The following MYPN variants were observed in gnomAD, a reference collection of about 807,000 sequenced individuals.
MYPN encodes the protein myopalladin, also known as sarcomeric protein myopalladin, 145 kDa (MYOP).
In MYPN, 63 loss-of-function variants were observed where a neutral mutation model predicts 129.4. That is an observed-to-expected ratio of 0.49 (90% confidence interval 0.40 to 0.60). The LOEUF is 0.60. Among genes scored for constraint, MYPN ranks in the 20% least tolerant of loss-of-function variants. The pLI, the probability that MYPN is intolerant of heterozygous loss-of-function variation, is 0.00. For missense variants in MYPN, 1,596 were observed against 1,635.4 expected, an observed-to-expected ratio of 0.98 and a Z score of 0.42; for synonymous variants, 629 against 600.9, an observed-to-expected ratio of 1.05 and a Z score of -0.68.
At chr10:68,172,797 GCACGGTGGCTCGCGCCTGTAATCC>G (rs2043162668) in intron 10 of MYPN, among the ~76,000 whole-genome samples, 3 of 152,180 alleles carry the variant, frequency 2.0e-5, no homozygotes, top group Non-Finnish European at 4.4e-5. Context: ...TCAGGGCCGG[GCACGGTGGCTCGCGCCTGTAATCC>G]CACCAGTTTG....
At chr10:68,115,728 A>G (rs2042147646) in intron 1 of MYPN, among the ~76,000 whole-genome samples, 1 of 152,212 alleles carries the variant, frequency 6.6e-6, no homozygotes, top group Admixed American at 6.5e-5. Context: ...TAAAATTTGA[A>G]GTCCTTTCCA....
chr10:68,140,700 T>G (rs905979953), intron 2 of MYPN, among the ~76,000 whole-genome samples: 2 of 152,138 alleles, frequency 1.3e-5, no homozygotes, highest in South Asian at 2.1e-4. Context: ...GAGGTGACCA[T>G]GACATATTTA....
intron 13 of MYPN, among the ~76,000 whole-genome samples, chr10:68,193,086 T>G (rs1165714990): frequency 1.3e-5 from 2 of 152,158 alleles, no homozygotes; most frequent in Non-Finnish European, 2.9e-5. Flanking sequence ...GTTCTTGCTT[T>G]GTTCTTTGAG....
chr10:68,157,152 G>T (rs10997959), intron 6 of MYPN, among the ~76,000 whole-genome samples: 4 of 151,844 alleles, frequency 2.6e-5, no homozygotes, highest in East Asian at 1.9e-4. Flanking sequence ...TTTCATTGTG[G>T]GAGTGTGGAA....
chr10:68,204,274 T>C (rs570810912), intron 18 of MYPN, among the ~76,000 whole-genome samples: 12 of 152,352 alleles, frequency 7.9e-5, no homozygotes, highest in Non-Finnish European at 1.8e-4. Flanking sequence ...TAGCATATTA[T>C]GTAAGATGAA....
At chr10:68,132,673 G>A (rs2042428448) in intron 2 of MYPN, among the ~76,000 whole-genome samples, 2 of 152,124 alleles carry the variant, frequency 1.3e-5, no homozygotes, top group African/African-American at 4.8e-5. Context: ...ATCCCCTAAA[G>A]GAAATTGGCA....
intron 12 of MYPN, among the ~76,000 whole-genome samples, chr10:68,180,164 G>A (rs1378687479): frequency 6.6e-6 from 1 of 152,044 alleles, no homozygotes; most frequent in Non-Finnish European, 1.5e-5. Context: ...AGTGATGTTA[G>A]ATAAATGGCA....
At chr10:68,088,476 G>A (rs2041916628) in intron 1 of MYPN, among the ~76,000 whole-genome samples, 1 of 152,138 alleles carries the variant, frequency 6.6e-6, no homozygotes, top group African/African-American at 2.4e-5. Flanking sequence ...CTGTATTATT[G>A]TTTCATAAAG....
intron 12 of MYPN, among the ~76,000 whole-genome samples, chr10:68,176,870 T>C (rs187818989): frequency 1.4e-3 from 220 of 152,332 alleles, no homozygotes; most frequent in African/African-American, 5.0e-3. Context: ...GTTTTCAGTT[T>C]TACAGAACAG....
intron 2 of MYPN, chr10:68,136,369 G>A: frequency 1.2e-6 from 1 of 856,394 alleles, no homozygotes; most frequent in Non-Finnish European, 1.5e-6. Flanking sequence ...CATTCTGTAA[G>A]TGTCATGAGG....
At chr10:68,201,290 T>C (rs569710858) in intron 17 of MYPN, among the ~76,000 whole-genome samples, 4 of 152,326 alleles carry the variant, frequency 2.6e-5, no homozygotes, top group African/African-American at 9.6e-5. Flanking sequence ...CAGAGATGGT[T>C]GCCCCATTTC....
intron 1 of MYPN, 126 bp downstream of exon 1, chr10:68,109,849 T>C (rs1250982209): frequency 2.8e-6 from 1 of 356,000 alleles, no homozygotes; most frequent in African/African-American, 2.1e-5. Flanking sequence ...TCTAATTACA[T>C]ATGACGGGAC....
intron 18 of MYPN, among the ~76,000 whole-genome samples, 178 bp from the exon 19 acceptor site, chr10:68,206,592 T>G (rs1224024594): frequency 6.6e-6 from 1 of 152,166 alleles, no homozygotes; most frequent in East Asian, 1.9e-4. Flanking sequence ...CAGCCCCAGC[T>G]GCCCCCTCCT....
intron 2 of MYPN, among the ~76,000 whole-genome samples, chr10:68,140,617 T>C (rs1242611453): frequency 5.3e-5 from 8 of 152,226 alleles, no homozygotes; most frequent in African/African-American, 1.9e-4. Context: ...GGATGACTTA[T>C]ATTTGTAGTA....
chr10:68,090,467 A>C (rs2041925931), intron 1 of MYPN, among the ~76,000 whole-genome samples: 1 of 152,142 alleles, frequency 6.6e-6, no homozygotes, highest in African/African-American at 2.4e-5. Context: ...GCCAGGCCTC[A>C]ATGAGCACTT....
intron 1 of MYPN, among the ~76,000 whole-genome samples, chr10:68,117,754 G>A (rs1375767912): frequency 6.6e-6 from 1 of 151,736 alleles, no homozygotes; most frequent in African/African-American, 2.4e-5. Context: ...ATAAAATGGA[G>A]GCCATGATAC....
At position 68,165,828 on chromosome 10, in the gene MYPN, CTT is replaced by C; in HGVS notation, c.1600+12_1600+13del. 4 of 1,600,336 alleles carry C rather than the reference CTT, an allele frequency of 2.5e-6. No homozygotes were observed. In the East Asian group the frequency reaches 6.7e-5, roughly 27 times the overall value. ...CAGCTGCACGTGAGAGGTAAGGACTCTTTAATGCTAGAACAGTTTAGCCTATG... is the reference window on the plus strand; with the variant it reads ...CAGCTGCACGTGAGAGGTAAGGACTCTAATGCTAGAACAGTTTAGCCTATG... On this transcript the variant is annotated intron_variant, in intron 9 of 19. Coordinates refer to ENST00000358913, the MANE Select transcript of MYPN (RefSeq NM_032578.4).
chr10:68,106,600 A>G (rs752772974), upstream of MYPN: 4 of 699,306 alleles, frequency 5.7e-6, no homozygotes, highest in South Asian at 3.0e-5. Context: ...ATGAACTTCA[A>G]GCAAAACTTA....
chr10:68,116,262 A>G (rs1208843721), intron 1 of MYPN, among the ~76,000 whole-genome samples: 1 of 145,488 alleles, frequency 6.9e-6, no homozygotes, highest in African/African-American at 2.7e-5. Context: ...CTTAAAATAG[A>G]AAGTTTTTAA....
Sources: allele counts gnomAD v4.1 joint callset (sites outside exome capture counted in the v4.1 genomes callset), GRCh38; gene constraint gnomAD v4.1.1; transcripts MANE v1.5; gene names NCBI Gene and HGNC (gene_info 2026-07-23, HGNC 2026-07-21).